The following MCM2 variants were observed in gnomAD, a reference collection of about 807,000 sequenced individuals.
The protein encoded by MCM2 is DNA replication licensing factor MCM2.
A neutral mutation model predicts 86.4 loss-of-function variants in MCM2; 49 were observed. That is an observed-to-expected ratio of 0.57 (90% CI 0.45 to 0.72). The LOEUF (loss-of-function observed/expected upper bound fraction) is 0.72. MCM2 is among the 30% of genes least tolerant of loss of function. The pLI is 0.00. For synonymous variants in MCM2, 475 were observed against 484.6 expected (o/e 0.98, Z 0.26); for missense variants, 1,038 against 1,259.9 (o/e 0.82, Z 2.67).
intron 8 of MCM2, among the ~76,000 whole-genome samples, chr3:127,612,057 C>T (rs1226022606): frequency 2.6e-5 from 4 of 152,160 alleles, no homozygotes; most frequent in Non-Finnish European, 2.9e-5. Flanking sequence ...TTGAGGGATC[C>T]GGAGACTTCA....
Position 127,598,428 on chromosome 3 carries a change from G to A in MCM2, c.-39G>A, listed in dbSNP as rs2074272370. The stretch of plus-strand genomic sequence containing the variant: ...GTGAACCACTTTTCGCGCGAAACCT[G>A]GTTGTTGCTGTAGTGGCGGAGAGGA... On this transcript the variant is annotated 5_prime_UTR_variant, in exon 1 of 16. Transcript: ENST00000265056. 6.2e-7 allele frequency: 1 copy of A among 1,613,372 alleles called. No homozygotes were observed. The highest frequency in any genetic ancestry group is 1.3e-5 in the African/African-American group (1 of 74,906).
Position 127,609,042 on chromosome 3 carries a change from C to T in MCM2, c.1428+19C>T. The T allele has an allele frequency of 6.2e-7, 1 of 1,610,868 alleles. No homozygotes were observed. Among genetic ancestry groups the T allele is most frequent in the Non-Finnish European group, 8.5e-7 (1 of 1,179,052 alleles). The stretch of plus-strand genomic sequence containing the variant: ...AGAGAAGGTAGGTGGAAGGCAGGGG[C>T]AGGGGCTGTCAGGATGCTGTGAGAG... On this transcript the variant is annotated intron_variant, in intron 8 of 15. Coordinates refer to ENST00000265056, the MANE Select transcript of MCM2 (RefSeq NM_004526.4).
chr3:127,616,777 G>A (rs2074436101), intron 9 of MCM2, 91 bp from the exon 10 acceptor site: 2 of 1,401,102 alleles, frequency 1.4e-6, no homozygotes, highest in Non-Finnish European at 9.9e-7. Context: ...TTCCTAACAA[G>A]TAGGTTGAGG....
Position 127,599,554 on chromosome 3 carries a change from T to C in MCM2, c.236+7T>C. 6.2e-7 allele frequency: 1 copy of C among 1,610,316 alleles called. No homozygotes were observed. The highest frequency in any genetic ancestry group is 8.5e-7 in the Non-Finnish European group (1 of 1,177,650). Reference sequence around the variant, plus strand: ...TTGGAGATGGCATGGAAAGGTAATTTCATTCAAGGCCCTGGACTCAGCAGA... The same window carrying C: ...TTGGAGATGGCATGGAAAGGTAATTCCATTCAAGGCCCTGGACTCAGCAGA... On this transcript the variant is annotated splice_region_variant and intron_variant, in intron 2 of 15. Coordinates refer to ENST00000265056, the MANE Select transcript of MCM2 (RefSeq NM_004526.4).
intron 1 of MCM2, chr3:127,598,753 G>A (rs1292021605): frequency 4.0e-6 from 2 of 495,028 alleles, no homozygotes; most frequent in Non-Finnish European, 7.1e-6. Context: ...GGCGCTGAGC[G>A]TACAAAAGAC....
intron 2 of MCM2, among the ~76,000 whole-genome samples, chr3:127,601,110 A>G (rs944107062): frequency 3.9e-5 from 6 of 152,186 alleles, no homozygotes; most frequent in Admixed American, 1.3e-4. Flanking sequence ...AGATTTTCCA[A>G]TCTGGTCATT....
chr3:127,615,622 T>G (rs535875355), intron 8 of MCM2, among the ~76,000 whole-genome samples: 36 of 152,332 alleles, frequency 2.4e-4, no homozygotes, highest in Non-Finnish European at 4.9e-4. Context: ...ATGTCAAGAT[T>G]AGGGGTTCAG....
intron 8 of MCM2, among the ~76,000 whole-genome samples, chr3:127,613,876 C>G (rs754925277): frequency 7.2e-5 from 11 of 152,192 alleles, no homozygotes; most frequent in Non-Finnish European, 1.6e-4. Flanking sequence ...GCCTTCTTGC[C>G]ATGTCATCCC....
Position 127,616,994 on chromosome 3 carries a change from G to A in MCM2, c.1649G>A (p.Gly550Glu), listed in dbSNP as rs1158327551. Residue 550 changes from glycine to glutamate, a missense_variant, in exon 10 of 16, where the codon GGG becomes GAG. This residue lies in a region of MCM2 where 399 missense variants were observed against 507.2 expected (regional missense o/e 0.79). Transcript: ENST00000265056. ...CGAGCCATCTTCACCACTGGCCAGG[G>A]GGCGTCGGCTGTGGGCCTCACGGCG... ...SSRAIFTTGQ[G>E]ASAVGLTAYV... is the part of the protein sequence containing the mutation. 2 of 1,614,222 alleles carry A rather than the reference G, an allele frequency of 1.2e-6. No individual in the cohort carries two copies. Among genetic ancestry groups the A allele is most frequent in the South Asian group, 1.1e-5 (1 of 91,088 alleles).
chr3:127,613,450 T>G (rs928447675), intron 8 of MCM2, among the ~76,000 whole-genome samples: 1 of 152,150 alleles, frequency 6.6e-6, no homozygotes, highest in Non-Finnish European at 1.5e-5. Flanking sequence ...AATTTCTAGA[T>G]AGCAATGTTC....
At chr3:127,598,618 C>T (rs1441847142) in intron 1 of MCM2, 146 bp downstream of exon 1, 2 of 1,163,498 alleles carry the variant, frequency 1.7e-6, no homozygotes, top group East Asian at 2.7e-5. Context: ...CTCGCCTGCA[C>T]CCTGCGTGAG....
rs374462347 is a variant in MCM2, at chr3:127,599,597, C to T, written c.236+50C>T. ...TCAGCAGATAGTTTTGCAGAGAGCC[C>T]ATTGTGTGCCTGGTGGCCTGGCTTT... On this transcript the variant is annotated intron_variant, in intron 2 of 15. Transcript: ENST00000265056. The T allele has an allele frequency of 2.6e-6, 4 of 1,512,020 alleles. No individual in the cohort carries two copies. In the African/African-American group the frequency reaches 4.2e-5, roughly 16 times the overall value. 93.7% of individuals were successfully genotyped at this position (1,512,020 alleles called of 1,614,324 possible).
Position 127,606,421 on chromosome 3 carries a change from T to G in MCM2, c.893+84T>G. 7.0e-6 allele frequency: 10 copies of G among 1,420,046 alleles called. No individual in the cohort carries two copies. Among genetic ancestry groups the G allele is most frequent in the Non-Finnish European group, 9.8e-6 (10 of 1,025,346 alleles). 88.0% of individuals were successfully genotyped at this position (1,420,046 alleles called of 1,614,324 possible). A position where few individuals can be genotyped will look rare whatever the true frequency, so the allele number is the denominator to read the frequency against. The stretch of plus-strand genomic sequence containing the variant: ...TGATTCCTGAAGAGCGATTGTGGTG[T>G]GGGCGGGGAGGGTGCAGCCAGCAGC... On this transcript the variant is annotated intron_variant, in intron 5 of 15. Transcript: ENST00000265056. This position sits in a 1 kb window ranked among gnomAD's most constrained non-coding sequence, Gnocchi z 4.2.
At position 127,606,054 on chromosome 3, in the gene MCM2, AT is replaced by A. The variant is rs1237047214; in HGVS notation, c.674-62del. The A allele has an allele frequency of 7.5e-7, 1 of 1,329,512 alleles. No homozygotes were observed. The highest frequency in any genetic ancestry group is 2.3e-5 in the East Asian group (1 of 42,724). The allele number at this position is 1,329,512 out of a possible 1,614,324, so 82.4% of individuals were successfully genotyped here. ...GGTAGGCCTTGCTTCTCACACAGGCATTGTTGCAGCCCAGCCCAGGCCTCAT... is the reference window on the plus strand; with the variant it reads ...GGTAGGCCTTGCTTCTCACACAGGCATGTTGCAGCCCAGCCCAGGCCTCAT... On this transcript the variant is annotated intron_variant, in intron 4 of 15. Transcript: ENST00000265056. The surrounding 1 kb of genome is among the most constrained non-coding windows in gnomAD (Gnocchi z 4.2).
Position 127,617,312 on chromosome 3 carries a change from G to A in MCM2, c.1807G>A (p.Ala603Thr), listed in dbSNP as rs775089072. The change falls in exon 11 of 16, where the codon GCC becomes ACC. Residue 603 changes from alanine (A) to threonine (T), a missense_variant. Ala to Thr is a moderately conservative substitution (Grantham distance 58, BLOSUM62 0). This residue lies in a region of MCM2 where 3 missense variants were observed against 19.6 expected (regional missense o/e 0.15). Coordinates refer to ENST00000265056, the MANE Select transcript of MCM2 (RefSeq NM_004526.4). The surrounding 1 kb of genome is among the most constrained non-coding windows in gnomAD (Gnocchi z 4.1). ...CCAGGACAGAACCAGCATCCATGAG[G>A]CCATGGAGCAACAGAGCATCTCCAT... ...NDQDRTSIHE[A>T]MEQQSISISK... The A allele has an allele frequency of 6.2e-7, 1 of 1,614,128 alleles. No homozygotes were observed. The highest frequency in any genetic ancestry group is 8.5e-7 in the Non-Finnish European group (1 of 1,179,984).
rs1387445605 is a variant in MCM2 at position 127,603,232 on chromosome 3, C to G, written c.237-1376C>G. On this transcript the variant is annotated intron_variant, in intron 2 of 15. Transcript: ENST00000265056. ...GCCAGGATGGTCTCGATCTCCTGAC[C>G]TCGTGATCCGCCCGCCTCAGCCTCC... is the stretch of plus-strand genomic sequence containing the variant. Among the ~76,000 whole-genome samples, 4 of 152,148 alleles carry G rather than the reference C, an allele frequency of 2.6e-5. No homozygotes were observed. In the East Asian group the frequency reaches 5.8e-4, roughly 22 times the overall value.
intron 6 of MCM2, 52 bp from the exon 7 acceptor site, chr3:127,608,330 T>G: frequency 1.2e-6 from 2 of 1,600,672 alleles, no homozygotes; most frequent in Non-Finnish European, 1.7e-6. Flanking sequence ...GGGGTCAAGG[T>G]TAGGTGACAT....
intron 1 of MCM2, 59 bp downstream of exon 1, chr3:127,598,531 C>T (rs1576409281): frequency 1.3e-6 from 2 of 1,594,122 alleles, no homozygotes; most frequent in Middle Eastern, 1.7e-4. Context: ...AGGCTGCGCG[C>T]TTCCCGTACT....
At chr3:127,615,757 T>G in intron 8 of MCM2, 105 bp from the exon 9 acceptor site, 1 of 775,276 alleles carries the variant, frequency 1.3e-6, no homozygotes. Flanking sequence ...TGGAAGTGGG[T>G]GTCTTTGAGC....
Sources: allele counts gnomAD v4.1 joint callset (sites outside exome capture counted in the v4.1 genomes callset), GRCh38; gene constraint gnomAD v4.1.1; regional missense constraint gnomAD v4.1.1; non-coding constraint Gnocchi (gnomAD v3.1); transcripts MANE v1.5; gene names NCBI Gene and HGNC (gene_info 2026-07-23, HGNC 2026-07-21).